ENOX1: variants seen among roughly 807,000 people sequenced by gnomAD.
ENOX1 encodes ecto-NOX disulfide-thiol exchanger 1, also known as candidate growth-related and time keeping constitutive hydroquinone (NADH) oxidase.
In ENOX1, 42 loss-of-function variants were observed where a neutral mutation model predicts 82.5. The ratio of observed to expected loss-of-function variants is 0.51; its 90% CI spans 0.40 to 0.66. The LOEUF (loss-of-function observed/expected upper bound fraction) is 0.66, where lower values mean the gene tolerates loss of function less well. Among genes scored for constraint, ENOX1 ranks in the 30% least tolerant of loss-of-function variants. ENOX1 has a pLI of 0.00. For missense variants in ENOX1, 608 were observed against 811.6 expected (o/e 0.75, Z 3.05); for synonymous variants, 271 against 282.2 (o/e 0.96, Z 0.40).
intron 2 of ENOX1, among the ~76,000 whole-genome samples, chr13:43,497,598 A>C (rs1277866165): frequency 6.6e-6 from 1 of 152,154 alleles, no homozygotes; most frequent in Non-Finnish European, 1.5e-5. Context: ...CTGTATGTTA[A>C]TACATAATAA....
chr13:43,726,952 G>A (rs925621352), intron 1 of ENOX1, among the ~76,000 whole-genome samples: 8 of 152,078 alleles, frequency 5.3e-5, no homozygotes, highest in African/African-American at 1.9e-4. Context: ...ATGTTGGTTA[G>A]GCTGGTCTCG....
At chr13:43,431,149 T>C (rs1431222115) in intron 3 of ENOX1, among the ~76,000 whole-genome samples, 4 of 152,234 alleles carry the variant, frequency 2.6e-5, no homozygotes, top group Non-Finnish European at 5.9e-5. Context: ...GGGCTTAGGT[T>C]TTCAGCTTCG....
chr13:43,595,942 TTATTA>T (rs2081452130), intron 2 of ENOX1, among the ~76,000 whole-genome samples: 1 of 128,460 alleles, frequency 7.8e-6, no homozygotes, highest in African/African-American at 3.7e-5. Context: ...ATATATGCTC[TTATTA>T]ATTGTTTCTA....
chr13:43,566,650 G>C (rs1187712424), intron 2 of ENOX1, among the ~76,000 whole-genome samples: 1 of 151,548 alleles, frequency 6.6e-6, no homozygotes, highest in African/African-American at 2.4e-5. Flanking sequence ...AAAAAATAGA[G>C]CAAAGACTAA....
rs551861545 is a variant in ENOX1, at chr13:43,228,095, C to CTTTT, written c.1715-3961_1715-3958dup. ...ATAAACAAGTAAAGCCTCTTTGCAG[C>CTTTT]TTTTTTTTTTTTTTTTTTTTTTTTT... On this transcript the variant is annotated intron_variant, in intron 15 of 16. Transcript: ENST00000690772. Among the ~76,000 whole-genome samples, 463 of 84,712 alleles carry CTTTT rather than the reference C, an allele frequency of 5.5e-3. 17 individuals are homozygous for CTTTT. The highest frequency in any genetic ancestry group is 0.02 in the African/African-American group (423 of 21,552). The allele number at this position is 84,712 out of a possible 152,430, so 55.6% of individuals were successfully genotyped here.
At chr13:43,220,148 A>T (rs1185055217) in intron 16 of ENOX1, among the ~76,000 whole-genome samples, 2 of 152,144 alleles carry the variant, frequency 1.3e-5, no homozygotes, top group Non-Finnish European at 2.9e-5. Flanking sequence ...GGAGTGAAGC[A>T]AGAAACTGGT....
At chr13:43,394,839 C>G (rs1171207060) in intron 5 of ENOX1, 1 of 150,540 alleles carries the variant, frequency 6.6e-6, no homozygotes, top group Non-Finnish European at 1.5e-5. Context: ...CGAATTCCTC[C>G]CCTCCCCACA....
chr13:43,251,753 A>G (rs1452113840), intron 14 of ENOX1, among the ~76,000 whole-genome samples: 1 of 152,210 alleles, frequency 6.6e-6, no homozygotes, highest in African/African-American at 2.4e-5. Context: ...TGAATGGTGC[A>G]CCAAGCTGAA....
At chr13:43,532,150 T>C (rs932870019) in intron 2 of ENOX1, among the ~76,000 whole-genome samples, 2 of 152,134 alleles carry the variant, frequency 1.3e-5, no homozygotes, top group African/African-American at 4.8e-5. Context: ...ATAGCTCTGT[T>C]AAAATAAAGA....
At chr13:43,569,415 T>C (rs1451915838) in intron 2 of ENOX1, among the ~76,000 whole-genome samples, 1 of 152,220 alleles carries the variant, frequency 6.6e-6, no homozygotes, top group Non-Finnish European at 1.5e-5. Context: ...AATTTGCTGG[T>C]TATTCTCTGC....
At chr13:43,264,285 C>T (rs2044245282) in intron 14 of ENOX1, among the ~76,000 whole-genome samples, 1 of 152,230 alleles carries the variant, frequency 6.6e-6, no homozygotes, top group Non-Finnish European at 1.5e-5. Context: ...CACATCATAG[C>T]TGCCTCAACT....
intron 1 of ENOX1, among the ~76,000 whole-genome samples, chr13:43,733,272 C>A (rs1222275873): frequency 6.6e-6 from 1 of 152,112 alleles, no homozygotes; most frequent in Non-Finnish European, 1.5e-5. Context: ...CTCCCAAATA[C>A]AACAAATGGT....
intron 1 of ENOX1, among the ~76,000 whole-genome samples, chr13:43,746,334 T>C (rs921877410): frequency 2.6e-5 from 4 of 152,086 alleles, no homozygotes; most frequent in African/African-American, 9.7e-5. Flanking sequence ...CTTTAAAGAA[T>C]AAAAACTGAA....
At chr13:43,678,542 G>C (rs755499032) in intron 1 of ENOX1, among the ~76,000 whole-genome samples, 1 of 152,188 alleles carries the variant, frequency 6.6e-6, no homozygotes, top group Non-Finnish European at 1.5e-5. Context: ...CAGCTGGAGA[G>C]TTAAATGCCA....
chr13:43,701,423 T>C (rs2086901240), intron 1 of ENOX1, among the ~76,000 whole-genome samples: 1 of 152,198 alleles, frequency 6.6e-6, no homozygotes, highest in Non-Finnish European at 1.5e-5. Flanking sequence ...GCACTCATTA[T>C]TTCCCTTTTT....
chr13:43,747,910 G>A (rs565974102), intron 1 of ENOX1, among the ~76,000 whole-genome samples: 12 of 152,214 alleles, frequency 7.9e-5, no homozygotes, highest in South Asian at 2.1e-4. Context: ...GAAATTTAGC[G>A]TTTGCTTCAA....
intron 2 of ENOX1, among the ~76,000 whole-genome samples, chr13:43,628,030 T>C (rs1027487530): frequency 3.9e-5 from 6 of 152,162 alleles, no homozygotes; most frequent in African/African-American, 9.6e-5. Context: ...CAAGAATTTT[T>C]CTTGAATATA....
chr13:43,642,069 CAGAAG>C (rs2083680392), intron 2 of ENOX1, among the ~76,000 whole-genome samples: 1 of 152,102 alleles, frequency 6.6e-6, no homozygotes, highest in African/African-American at 2.4e-5. Context: ...CCTAATTTTA[CAGAAG>C]AGAAAACAAA....
chr13:43,670,369 A>AT (rs2085200515), intron 1 of ENOX1, among the ~76,000 whole-genome samples: 1 of 152,166 alleles, frequency 6.6e-6, no homozygotes, highest in Non-Finnish European at 1.5e-5. Context: ...TATTTTCAAC[A>AT]TATGAACTAT....
Sources: allele counts gnomAD v4.1 joint callset (sites outside exome capture counted in the v4.1 genomes callset), GRCh38; gene constraint gnomAD v4.1.1; transcripts MANE v1.5; gene names NCBI Gene and HGNC (gene_info 2026-07-23, HGNC 2026-07-21).